Variants in MGAT4C observed in about 807,000 individuals in gnomAD.
MGAT4C encodes the protein alpha-1,3-mannosyl-glycoprotein 4-beta-N-acetylglucosaminyltransferase C.
Under a neutral mutation model 40.1 loss-of-function variants are expected in MGAT4C, and 19 were observed. That is an observed-to-expected ratio of 0.47 (90% CI 0.33 to 0.70). MGAT4C has a LOEUF of 0.70. Ranked by LOEUF, MGAT4C falls within the 30% of genes least tolerant of loss-of-function variation. The pLI is 0.02. For missense variants in MGAT4C, 491 were observed against 563.2 expected (o/e 0.87, Z 1.30); for synonymous variants, 181 against 187.1 (o/e 0.97, Z 0.27).
intron 2 of MGAT4C, among the ~76,000 whole-genome samples, chr12:86,552,681 T>C (rs1959424718): frequency 6.6e-6 from 1 of 151,984 alleles, no homozygotes; most frequent in South Asian, 2.1e-4. Context: ...ATACAATCAA[T>C]ACATACAAAA....
chr12:86,812,006 T>C (rs1279759887), intron 1 of MGAT4C, among the ~76,000 whole-genome samples: 2 of 152,268 alleles, frequency 1.3e-5, no homozygotes, highest in East Asian at 3.8e-4. Flanking sequence ...TTTTGTATGC[T>C]CCATATGTAT....
intron 1 of MGAT4C, among the ~76,000 whole-genome samples, chr12:86,200,662 T>C (rs1950019238): frequency 6.6e-6 from 1 of 152,124 alleles, no homozygotes; most frequent in Non-Finnish European, 1.5e-5. Context: ...ATTTTGCTCA[T>C]TTTTCACCAG....
intron 1 of MGAT4C, among the ~76,000 whole-genome samples, chr12:86,782,362 T>C (rs890132886): frequency 3.3e-5 from 5 of 151,774 alleles, no homozygotes; most frequent in Non-Finnish European, 1.5e-5. Context: ...TTTGTATTTT[T>C]AATAGAGACA....
chr12:86,667,481 A>T (rs1964141371), intron 2 of MGAT4C, among the ~76,000 whole-genome samples: 1 of 152,226 alleles, frequency 6.6e-6, no homozygotes, highest in Non-Finnish European at 1.5e-5. Context: ...AGCAAATCAG[A>T]CTGTGACTTA....
At chr12:86,768,307 C>T (rs1028820764) in intron 1 of MGAT4C, among the ~76,000 whole-genome samples, 5 of 152,242 alleles carry the variant, frequency 3.3e-5, no homozygotes, top group Admixed American at 2.0e-4. Context: ...ATCCAACTTA[C>T]GAGGGATGTG....
At chr12:86,362,890 T>C (rs1187278040) in intron 3 of MGAT4C, among the ~76,000 whole-genome samples, 1 of 131,390 alleles carries the variant, frequency 7.6e-6, no homozygotes, top group Non-Finnish European at 1.6e-5. Context: ...AAAAAGCATA[T>C]GAGGGTGTAT....
intron 1 of MGAT4C, among the ~76,000 whole-genome samples, chr12:86,732,004 G>T (rs1454062690): frequency 6.6e-6 from 1 of 152,122 alleles, no homozygotes; most frequent in Non-Finnish European, 1.5e-5. Context: ...TAGGCCATTT[G>T]CTGGGCCTAG....
At chr12:86,242,416 C>A (rs2136048641) in intron 1 of MGAT4C, among the ~76,000 whole-genome samples, 1 of 152,228 alleles carries the variant, frequency 6.6e-6, no homozygotes, top group African/African-American at 2.4e-5. Context: ...ATTTAAATGA[C>A]CTCTCAGATT....
At chr12:86,660,756 G>A (rs984169001) in intron 2 of MGAT4C, among the ~76,000 whole-genome samples, 1 of 151,986 alleles carries the variant, frequency 6.6e-6, no homozygotes, top group Non-Finnish European at 1.5e-5. Flanking sequence ...CTCTTAGCAG[G>A]GTCAGCCCTT....
At chr12:86,527,345 T>G (rs1328991934) in intron 2 of MGAT4C, among the ~76,000 whole-genome samples, 1 of 152,184 alleles carries the variant, frequency 6.6e-6, no homozygotes. Flanking sequence ...CTCTTTTCCA[T>G]TGGCCTATGT....
intron 2 of MGAT4C, among the ~76,000 whole-genome samples, chr12:86,459,194 T>C (rs1957555080): frequency 6.6e-6 from 1 of 152,178 alleles, no homozygotes; most frequent in Non-Finnish European, 1.5e-5. Flanking sequence ...CTTTATGCTA[T>C]CTTTATTAGC....
intron 1 of MGAT4C, among the ~76,000 whole-genome samples, chr12:86,758,341 A>C (rs868556025): frequency 6.6e-6 from 1 of 151,876 alleles, no homozygotes; most frequent in East Asian, 1.9e-4. Context: ...ATGTTAGAAA[A>C]TAAAGCTAGG....
intron 2 of MGAT4C, among the ~76,000 whole-genome samples, chr12:86,481,683 A>G (rs1022585505): frequency 3.3e-5 from 5 of 151,972 alleles, no homozygotes; most frequent in Admixed American, 3.3e-4. Context: ...ACTATCCAAA[A>G]TGATTTGAAA....
chr12:86,143,626 G>C (rs1953133375), intron 1 of MGAT4C, among the ~76,000 whole-genome samples: 1 of 152,130 alleles, frequency 6.6e-6, no homozygotes, highest in Non-Finnish European at 1.5e-5. Context: ...TTGCTGTTAT[G>C]AGATTTTTAT....
chr12:86,477,529 C>G (rs936292549), intron 2 of MGAT4C, among the ~76,000 whole-genome samples: 1 of 151,976 alleles, frequency 6.6e-6, no homozygotes, highest in Non-Finnish European at 1.5e-5. Flanking sequence ...TGCACATGTA[C>G]CCGCTGAAGC....
intron 2 of MGAT4C, among the ~76,000 whole-genome samples, chr12:86,439,072 GCAGAA>G (rs1957184855): frequency 6.6e-6 from 1 of 151,806 alleles, no homozygotes; most frequent in Non-Finnish European, 1.5e-5. Flanking sequence ...GATCGTTGAG[GCAGAA>G]AGTCAACAAA....
intron 3 of MGAT4C, among the ~76,000 whole-genome samples, chr12:86,357,280 C>A (rs1373994097): frequency 2.0e-5 from 3 of 152,092 alleles, no homozygotes; most frequent in Admixed American, 6.5e-5. Context: ...AGAAGGAAAA[C>A]TAACAAACAG....
intron 3 of MGAT4C, among the ~76,000 whole-genome samples, chr12:86,433,370 A>C (rs1224525642): frequency 6.6e-6 from 1 of 151,820 alleles, no homozygotes; most frequent in Admixed American, 6.6e-5. Context: ...ATATATATAC[A>C]CAGAAGGATT....
At chr12:86,544,195 C>T (rs1259973659) in intron 2 of MGAT4C, among the ~76,000 whole-genome samples, 1 of 152,088 alleles carries the variant, frequency 6.6e-6, no homozygotes, top group African/African-American at 2.4e-5. Flanking sequence ...TGTGTGTTTT[C>T]CAAATAATCT....
Sources: allele counts gnomAD v4.1 joint callset (sites outside exome capture counted in the v4.1 genomes callset), GRCh38; gene constraint gnomAD v4.1.1; transcripts MANE v1.5; gene names NCBI Gene and HGNC (gene_info 2026-07-23, HGNC 2026-07-21).